The following NTM variants were observed in gnomAD, a reference collection of about 807,000 sequenced individuals.
NTM encodes the protein IgLON family member 2.
In NTM, 13 loss-of-function variants were observed where a neutral mutation model predicts 42.1. That is an observed-to-expected ratio of 0.31 (90% confidence interval 0.20 to 0.49). The LOEUF (loss-of-function observed/expected upper bound fraction) is 0.49, where lower values mean the gene tolerates loss of function less well. Among genes scored for constraint, NTM ranks in the 20% least tolerant of loss-of-function variants. NTM has a pLI of 0.99. For synonymous variants in NTM, 187 were observed against 179.2 expected, an observed-to-expected ratio of 1.04 and a Z score of -0.35; for missense variants, 373 against 452.8, an observed-to-expected ratio of 0.82 and a Z score of 1.60.
At chr11:132,118,863 G>T (rs1488014257) in intron 2 of NTM, among the ~76,000 whole-genome samples, 1 of 152,040 alleles carries the variant, frequency 6.6e-6, no homozygotes, top group African/African-American at 2.4e-5. Flanking sequence ...TGGATTCCCG[G>T]GATTTTGTGG....
At position 131,489,995 on chromosome 11, in the gene NTM, A is replaced by G. The variant is rs540535109; in HGVS notation, c.82+119107A>G. 1.5e-3 allele frequency among the ~76,000 whole-genome samples: 227 copies of G among 152,332 alleles called. 1 individual carries two copies. Among genetic ancestry groups the G allele is most frequent in the African/African-American group, 5.1e-3 (213 of 41,580 alleles). ...CTGCTGAGAGCATCAGGCTGCTTCC[A>G]CTCATGGTAGAAGATGAAAGGGAGC... On this transcript the variant is annotated intron_variant, in intron 1 of 8. Transcript: ENST00000683400.
intron 1 of NTM, among the ~76,000 whole-genome samples, chr11:131,897,991 T>C (rs1408791708): frequency 1.3e-5 from 2 of 152,206 alleles, no homozygotes; most frequent in Non-Finnish European, 2.9e-5. Flanking sequence ...ATTTCTCAAA[T>C]ATTTCGGATT....
Position 132,130,936 on chromosome 11 carries a change from C to T in NTM, c.168-15346C>T, listed in dbSNP as rs550310455. ...CCCACGATCACACATTTCATAGCCT[C>T]AGATCTGGGATTTGAGATGTGTCTC... On this transcript the variant is annotated intron_variant, in intron 2 of 8. Transcript: ENST00000683400. 1.6e-4 allele frequency among the ~76,000 whole-genome samples: 24 copies of T among 152,316 alleles called. No individual in the cohort carries two copies. In the South Asian group the frequency reaches 4.6e-3, roughly 29 times the overall value.
In NTM at chr11:132,003,257, C is replaced by CTT. The variant is rs879657772; in HGVS notation, c.167+91620_167+91621dup. 3.8e-5 allele frequency among the ~76,000 whole-genome samples: 5 copies of CTT among 132,286 alleles called. No individual in the cohort carries two copies. The East Asian group carries it at 1.2e-3, about 32-fold the overall frequency. 86.8% of individuals were successfully genotyped at this position (132,286 alleles called of 152,430 possible). On this transcript the variant is annotated intron_variant, in intron 2 of 8. Transcript: ENST00000683400. The surrounding 1 kb of genome is among the most constrained non-coding windows in gnomAD (Gnocchi z 6.0). ...ACCCACACCCTTAGAGTTTTTTTTT[C>CTT]TTTTTTTTTTTTGACAGGTTATTTG...
intron 1 of NTM, among the ~76,000 whole-genome samples, chr11:131,576,576 G>A (rs139900355): frequency 2.0e-5 from 3 of 152,182 alleles, no homozygotes; most frequent in South Asian, 2.1e-4. Flanking sequence ...ACCCTTCAAC[G>A]ACTGGCAAAG....
intron 1 of NTM, among the ~76,000 whole-genome samples, chr11:131,872,588 T>C (rs1483442585): frequency 6.6e-6 from 1 of 152,196 alleles, no homozygotes; most frequent in African/African-American, 2.4e-5. Context: ...AGTTGGTATA[T>C]CTCTCTGCAT....
chr11:131,889,814 C>A (rs2050983348), intron 1 of NTM, among the ~76,000 whole-genome samples: 1 of 152,086 alleles, frequency 6.6e-6, no homozygotes, highest in Admixed American at 6.5e-5. Context: ...ACTGTAGCGC[C>A]CCTCTTTTGC....
intron 1 of NTM, among the ~76,000 whole-genome samples, chr11:131,791,266 G>A (rs1167699685): frequency 6.6e-6 from 1 of 152,210 alleles, no homozygotes. Context: ...ACATCAAGAT[G>A]AATAAGGTAC....
chr11:131,721,697 A>G (rs1006531201), intron 1 of NTM, among the ~76,000 whole-genome samples: 6 of 152,080 alleles, frequency 3.9e-5, no homozygotes, highest in Admixed American at 3.9e-4. Flanking sequence ...TTCTGTGAGG[A>G]TTAGATGAAA....
At chr11:131,541,625 GA>G (rs1317313970) in intron 1 of NTM, among the ~76,000 whole-genome samples, 8 of 152,292 alleles carry the variant, frequency 5.3e-5, no homozygotes, top group African/African-American at 1.9e-4. Context: ...CTGAACTGTA[GA>G]ATAGTTGCTA....
chr11:131,448,912 G>T (rs75798579), intron 1 of NTM, among the ~76,000 whole-genome samples: 2 of 152,170 alleles, frequency 1.3e-5, no homozygotes, highest in African/African-American at 4.8e-5. Context: ...TTTGCAGGGG[G>T]CATCTCTAAA....
At chr11:131,416,218 C>T (rs534553622) in intron 1 of NTM, among the ~76,000 whole-genome samples, 5 of 151,550 alleles carry the variant, frequency 3.3e-5, no homozygotes, top group Non-Finnish European at 7.4e-5. Flanking sequence ...CCCTTTTCTA[C>T]ACCCAAAGCC....
chr11:132,099,207 A>G (rs557582570), intron 2 of NTM, among the ~76,000 whole-genome samples: 1 of 152,320 alleles, frequency 6.6e-6, no homozygotes, highest in South Asian at 2.1e-4. Context: ...GGGAGCTTGG[A>G]AACTCTCTCT....
chr11:132,150,746 G>A (rs150472601), intron 3 of NTM, among the ~76,000 whole-genome samples: 110 of 152,284 alleles, frequency 7.2e-4, no homozygotes, highest in African/African-American at 2.5e-3. Flanking sequence ...GGCAGAGTTC[G>A]AGGGTTGGTT....
chr11:132,160,494 T>C (rs1160918635), intron 3 of NTM, among the ~76,000 whole-genome samples: 1 of 152,228 alleles, frequency 6.6e-6, no homozygotes, highest in Non-Finnish European at 1.5e-5. Context: ...TCATCTTTTC[T>C]TCCTTCCTTC....
At chr11:132,193,239 C>A (rs1223264496) in intron 3 of NTM, among the ~76,000 whole-genome samples, 1 of 152,022 alleles carries the variant, frequency 6.6e-6, no homozygotes, top group Non-Finnish European at 1.5e-5. Flanking sequence ...ACTCTAAGAT[C>A]AACCACACAC....
intron 2 of NTM, among the ~76,000 whole-genome samples, chr11:131,933,135 C>T (rs1334797933): frequency 5.3e-5 from 8 of 152,194 alleles, no homozygotes; most frequent in Non-Finnish European, 8.8e-5. Context: ...CTGCTATGAA[C>T]ACTCCTTTTG....
intron 1 of NTM, among the ~76,000 whole-genome samples, chr11:131,575,528 G>T (rs547323812): frequency 6.6e-6 from 1 of 152,284 alleles, no homozygotes; most frequent in East Asian, 1.9e-4. Context: ...TAACTGAGGA[G>T]CATAGTTAAT....
chr11:132,149,529 G>T lies in NTM; in HGVS notation c.400+3015G>T, dbSNP rs142573418. ...TCTAAATAAATCCACACAGAAGGAA[G>T]GTAGTGGCATCTCACAGCATTGCAC... On this transcript the variant is annotated intron_variant, in intron 3 of 8. Coordinates refer to ENST00000683400, the MANE Select transcript of NTM (RefSeq NM_001352005.2). 8.2e-3 allele frequency among the ~76,000 whole-genome samples: 1,243 copies of T among 152,308 alleles called. 10 individuals are homozygous for T. The highest frequency in any genetic ancestry group is 0.026 in the African/African-American group (1,086 of 41,550).
Sources: gnomAD v4.1 joint callset for allele counts (sites outside exome capture counted in the v4.1 genomes callset) on GRCh38, gnomAD v4.1.1 for gene constraint, Gnocchi (gnomAD v3.1) non-coding constraint, MANE v1.5 for transcripts, NCBI Gene and HGNC (gene_info 2026-07-23, HGNC 2026-07-21) for gene names.